Variants in ROCK2 observed in about 807,000 individuals in gnomAD.
ROCK2 encodes rho-associated protein kinase 2.
In ROCK2, 61 loss-of-function variants were observed where a neutral mutation model predicts 195.1. The ratio of observed to expected loss-of-function variants is 0.31; its 90% CI spans 0.25 to 0.39. The LOEUF (loss-of-function observed/expected upper bound fraction) is 0.39. Ranked by LOEUF, ROCK2 falls within the 10% of genes least tolerant of loss-of-function variation. ROCK2 has a pLI of 1.00. For synonymous variants in ROCK2, 504 were observed against 545.5 expected, an observed-to-expected ratio of 0.92 and a Z score of 1.06; for missense variants, 1,109 against 1,637.4, an observed-to-expected ratio of 0.68 and a Z score of 5.57.
chr2:11,302,313 T>G (rs894704176), intron 1 of ROCK2, among the ~76,000 whole-genome samples: 35 of 152,070 alleles, frequency 2.3e-4, no homozygotes, highest in East Asian at 5.8e-4. Flanking sequence ...GGGGTGTTTT[T>G]TTGTTGTTGT....
At chr2:11,308,305 A>C (rs1667926512) in intron 1 of ROCK2, 1 of 1,112,038 alleles carries the variant, frequency 9.0e-7, no homozygotes, top group African/African-American at 1.5e-5. Flanking sequence ...AGAAGCTAGA[A>C]CCAATCCTAA....
intron 3 of ROCK2, among the ~76,000 whole-genome samples, chr2:11,257,513 GT>G (rs1370923821): frequency 6.6e-6 from 1 of 151,510 alleles, no homozygotes; most frequent in African/African-American, 2.5e-5. Context: ...CGTACAACAT[GT>G]TTTGAGTAGC....
chr2:11,251,305 CATA>C (rs1307008723), intron 3 of ROCK2, among the ~76,000 whole-genome samples: 1 of 152,248 alleles, frequency 6.6e-6, no homozygotes. Flanking sequence ...ATGTCTGGCA[CATA>C]ATAACCTTTC....
intron 1 of ROCK2, among the ~76,000 whole-genome samples, chr2:11,340,089 C>T (rs181404048): frequency 2.4e-4 from 36 of 152,200 alleles, no homozygotes; most frequent in Middle Eastern, 3.4e-3. Context: ...TATGTAAGTC[C>T]GTATTTCCTT....
At chr2:11,317,610 A>ATTTTTTT (rs1300312547) in intron 1 of ROCK2, among the ~76,000 whole-genome samples, 1 of 16,800 alleles carries the variant, frequency 6.0e-5, no homozygotes, top group Non-Finnish European at 1.2e-4. Context: ...ATATATATAT[A>ATTTTTTT]TATTTTTTTT....
chr2:11,220,511 T>C (rs964211899), intron 9 of ROCK2, among the ~76,000 whole-genome samples: 1 of 152,186 alleles, frequency 6.6e-6, no homozygotes, highest in Non-Finnish European at 1.5e-5. Flanking sequence ...TATTGAATGA[T>C]CTTGTGTCAG....
At chr2:11,261,917 T>A (rs879531328) in intron 3 of ROCK2, among the ~76,000 whole-genome samples, 7 of 152,214 alleles carry the variant, frequency 4.6e-5, no homozygotes, top group Non-Finnish European at 8.8e-5. Flanking sequence ...GGCCAATTTA[T>A]CTAATCTCTA....
Position 11,180,298 on chromosome 2 carries a change from G to A in ROCK2, c.*3139C>T, listed in dbSNP as rs1442899570. 6.6e-6 allele frequency: 1 copy of A among 152,152 alleles called. No individual in the cohort carries two copies. The highest frequency in any genetic ancestry group is 2.4e-5 in the African/African-American group (1 of 41,448). The allele number at this position is 152,152 out of a possible 1,614,324, so 9.4% of individuals were successfully genotyped here. A position where few individuals can be genotyped will look rare whatever the true frequency, so the allele number is the denominator to read the frequency against. ...CTTAAAACTGTGGTGTGGCAACCTAGAGTATTTCTGTTTAAGATCTATATA... is the reference window on the plus strand; with the variant it reads ...CTTAAAACTGTGGTGTGGCAACCTAAAGTATTTCTGTTTAAGATCTATATA... On this transcript the variant is annotated 3_prime_UTR_variant, in exon 33 of 33. Transcript: ENST00000315872.
chr2:11,257,475 G>C (rs1365318120), intron 3 of ROCK2, among the ~76,000 whole-genome samples: 3 of 151,542 alleles, frequency 2.0e-5, no homozygotes, highest in African/African-American at 7.4e-5. Context: ...ACAACAGCCA[G>C]TGCATCATTC....
At chr2:11,202,689 G>C (rs1382889574) in intron 20 of ROCK2, among the ~76,000 whole-genome samples, 1 of 151,958 alleles carries the variant, frequency 6.6e-6, no homozygotes. Context: ...GTAGAGACGG[G>C]GTTTCACCGT....
chr2:11,237,718 C>T (rs1421124831), intron 4 of ROCK2, among the ~76,000 whole-genome samples: 1 of 152,130 alleles, frequency 6.6e-6, no homozygotes, highest in Non-Finnish European at 1.5e-5. Flanking sequence ...AAGGAGATGA[C>T]AAAATGAAAT....
At chr2:11,190,476 A>T (rs888003310) in intron 32 of ROCK2, among the ~76,000 whole-genome samples, 2 of 152,138 alleles carry the variant, frequency 1.3e-5, no homozygotes, top group Non-Finnish European at 2.9e-5. Flanking sequence ...TGTACATAAA[A>T]ACAGCCTGTT....
intron 7 of ROCK2, among the ~76,000 whole-genome samples, chr2:11,223,748 G>A (rs1375448867): frequency 6.6e-6 from 1 of 152,124 alleles, no homozygotes; most frequent in Non-Finnish European, 1.5e-5. Flanking sequence ...GAAAAAAATG[G>A]AATGGGGTGA....
intron 4 of ROCK2, among the ~76,000 whole-genome samples, chr2:11,240,100 A>G (rs907806350): frequency 8.5e-5 from 13 of 152,204 alleles, no homozygotes; most frequent in Non-Finnish European, 1.9e-4. Flanking sequence ...CAGAGTTTCT[A>G]TAAGGGCCCC....
intron 1 of ROCK2, among the ~76,000 whole-genome samples, chr2:11,301,526 C>T (rs1294604649): frequency 6.6e-6 from 1 of 152,000 alleles, no homozygotes; most frequent in African/African-American, 2.4e-5. Flanking sequence ...GCTGTAATCC[C>T]AGCACTTTGG....
At chr2:11,209,233 C>A (rs994494493) in intron 18 of ROCK2, among the ~76,000 whole-genome samples, 3 of 152,106 alleles carry the variant, frequency 2.0e-5, no homozygotes, top group Non-Finnish European at 4.4e-5. Context: ...ACTCTGGAAC[C>A]AAACTTTCTG....
rs904175100 is a variant in ROCK2 at position 11,182,578 on chromosome 2, G to A, written c.*859C>T. The A allele has an allele frequency of 2.6e-5, 4 of 152,354 alleles. No homozygotes were observed. Among genetic ancestry groups the A allele is most frequent in the African/African-American group, 9.7e-5 (4 of 41,414 alleles). 9.4% of individuals were successfully genotyped at this position (152,354 alleles called of 1,614,324 possible). A position where few individuals can be genotyped will look rare whatever the true frequency, so the allele number is the denominator to read the frequency against. ...CTGACATTGATATAACTATTTATGT[G>A]TAAAAATAGTGCACGATTTATCTTC... On this transcript the variant is annotated 3_prime_UTR_variant, in exon 33 of 33. Transcript: ENST00000315872.
intron 4 of ROCK2, among the ~76,000 whole-genome samples, chr2:11,244,424 T>C (rs1432117694): frequency 6.6e-6 from 1 of 152,194 alleles, no homozygotes; most frequent in Non-Finnish European, 1.5e-5. Context: ...TCTTCTACTT[T>C]GGGATATATT....
chr2:11,277,363 A>C (rs146304187), intron 3 of ROCK2, among the ~76,000 whole-genome samples: 343 of 152,276 alleles, frequency 2.3e-3, no homozygotes, highest in African/African-American at 8.1e-3. Flanking sequence ...TTATTGGGGT[A>C]CAGGTGGTGT....
Sources: allele counts gnomAD v4.1 joint callset (sites outside exome capture counted in the v4.1 genomes callset), GRCh38; gene constraint gnomAD v4.1.1; transcripts MANE v1.5; gene names NCBI Gene and HGNC (gene_info 2026-07-23, HGNC 2026-07-21).